The following NPSR1 variants were observed in gnomAD, a reference collection of about 807,000 sequenced individuals.
The protein encoded by NPSR1 is neuropeptide S receptor.
Under a neutral mutation model 46.9 loss-of-function variants are expected in NPSR1, and 48 were observed. That is an observed-to-expected ratio of 1.02 (90% CI 0.81 to 1.30). The LOEUF (loss-of-function observed/expected upper bound fraction) is 1.30. NPSR1 is among the 50% of genes most tolerant of loss of function. NPSR1 has a pLI of 0.00. For missense variants in NPSR1, 450 were observed against 449.5 expected, an observed-to-expected ratio of 1.00 and a Z score of -0.01; for synonymous variants, 176 against 168.1, an observed-to-expected ratio of 1.05 and a Z score of -0.36.
chr7:34,760,286 T>C (rs1583965422), intron 2 of NPSR1, among the ~76,000 whole-genome samples: 1 of 152,236 alleles, frequency 6.6e-6, no homozygotes, highest in Admixed American at 6.5e-5. Flanking sequence ...ATTGGCCCTA[T>C]TCATTGCATC....
At chr7:34,678,799 C>A in intron 1 of NPSR1, among the ~76,000 whole-genome samples, 1 of 147,078 alleles carries the variant, frequency 6.8e-6, no homozygotes, top group African/African-American at 2.6e-5. Flanking sequence ...GCACTCCAGC[C>A]TGGGTGACAG....
intron 5 of NPSR1, among the ~76,000 whole-genome samples, chr7:34,833,636 A>G (rs1461045892): frequency 2.0e-5 from 3 of 152,196 alleles, no homozygotes; most frequent in African/African-American, 4.8e-5. Flanking sequence ...ATCAAGATAC[A>G]TTTGTTATCT....
At chr7:34,681,572 A>T (rs1792636537) in intron 1 of NPSR1, among the ~76,000 whole-genome samples, 1 of 152,156 alleles carries the variant, frequency 6.6e-6, no homozygotes, top group Non-Finnish European at 1.5e-5. Flanking sequence ...GTGCTGAAAC[A>T]CTTCCTCAGC....
intron 1 of NPSR1, 101 bp downstream of exon 1, chr7:34,658,660 G>A (rs1791304793): frequency 8.5e-7 from 1 of 1,183,172 alleles, no homozygotes; most frequent in African/African-American, 1.5e-5. Context: ...TTGTGAATGA[G>A]TGTTATTTTC....
In NPSR1 at chr7:34,848,614, A is replaced by G; in HGVS notation, c.976A>G (p.Asn326Asp). The change falls in exon 8 of 9, where the codon AAC (asparagine) becomes GAC (aspartate). Residue 326 changes from asparagine to aspartate, a missense_variant. Asn to Asp is a conservative substitution (Grantham distance 23, BLOSUM62 1). Transcript: ENST00000360581. ...CCTGCCAGCATTGAATAGTGCCATCAACCCCCTCATCTACTGTGTCTTCAG... is the reference window on the plus strand; with the variant it reads ...CCTGCCAGCATTGAATAGTGCCATCGACCCCCTCATCTACTGTGTCTTCAG... ...QNLPALNSAI[N>D]PLIYCVFSSS... The G allele has an allele frequency of 1.2e-6, 2 of 1,614,136 alleles. No individual in the cohort carries two copies. Among genetic ancestry groups the G allele is most frequent in the Non-Finnish European group, 1.7e-6 (2 of 1,180,030 alleles).
chr7:34,671,782 G>C (rs1011528844), intron 1 of NPSR1, among the ~76,000 whole-genome samples: 2 of 152,066 alleles, frequency 1.3e-5, no homozygotes, highest in African/African-American at 4.8e-5. Context: ...TCCATTCCCT[G>C]GTCCTTACAT....
chr7:34,751,148 G>A (rs924123821), intron 2 of NPSR1: 2 of 918,052 alleles, frequency 2.2e-6, no homozygotes, highest in Non-Finnish European at 3.7e-6. Context: ...GGCTGAGCAG[G>A]GTCCTGAAGG....
intron 2 of NPSR1, among the ~76,000 whole-genome samples, chr7:34,771,114 G>A (rs1337525030): frequency 1.3e-5 from 2 of 152,096 alleles, no homozygotes; most frequent in Non-Finnish European, 2.9e-5. Context: ...TAAGCTGTGG[G>A]ACTCAGCTTT....
At chr7:34,728,518 T>G (rs1237707330) in intron 2 of NPSR1, among the ~76,000 whole-genome samples, 1 of 152,176 alleles carries the variant, frequency 6.6e-6, no homozygotes, top group Non-Finnish European at 1.5e-5. Flanking sequence ...GCCTTAATCT[T>G]TAAAAATAAC....
chr7:34,827,932 A>G (rs1789939332), intron 5 of NPSR1, among the ~76,000 whole-genome samples: 2 of 152,232 alleles, frequency 1.3e-5, no homozygotes, highest in Non-Finnish European at 2.9e-5. Flanking sequence ...GCTCAGAGTG[A>G]TTAAGTAACT....
At chr7:34,663,602 C>A (rs1216677152) in intron 1 of NPSR1, among the ~76,000 whole-genome samples, 3 of 152,158 alleles carry the variant, frequency 2.0e-5, no homozygotes, top group Non-Finnish European at 4.4e-5. Context: ...CCTGCTAACC[C>A]TTGGAGGGGG....
intron 2 of NPSR1, among the ~76,000 whole-genome samples, chr7:34,754,229 T>G: frequency 6.6e-6 from 1 of 152,054 alleles, no homozygotes; most frequent in Non-Finnish European, 1.5e-5. Flanking sequence ...GAAATAAAAA[T>G]AAGACAAGAA....
intron 2 of NPSR1, among the ~76,000 whole-genome samples, chr7:34,775,961 TTTC>T (rs1190408779): frequency 1.3e-5 from 2 of 152,112 alleles, no homozygotes; most frequent in East Asian, 3.8e-4. Context: ...ACTTTTAAAT[TTTC>T]TTCTTAATTT....
intron 6 of NPSR1, among the ~76,000 whole-genome samples, chr7:34,841,383 A>C (rs1321754828): frequency 6.6e-6 from 1 of 152,200 alleles, no homozygotes; most frequent in Non-Finnish European, 1.5e-5. Context: ...TTGGAGACTA[A>C]ATTTTCAGCA....
intron 8 of NPSR1, among the ~76,000 whole-genome samples, chr7:34,876,852 T>C (rs1194137824): frequency 6.6e-6 from 1 of 152,196 alleles, no homozygotes; most frequent in East Asian, 1.9e-4. Context: ...AGAAATGCTC[T>C]GACAGCAGAA....
chr7:34,660,337 T>G (rs1791394107), intron 1 of NPSR1, among the ~76,000 whole-genome samples: 1 of 152,230 alleles, frequency 6.6e-6, no homozygotes, highest in Non-Finnish European at 1.5e-5. Flanking sequence ...TGATTACTGG[T>G]GGTATTTGTG....
In NPSR1 at chr7:34,686,940, G is replaced by A. The variant is rs529925846; in HGVS notation, c.280+2256G>A. 2.6e-4 allele frequency among the ~76,000 whole-genome samples: 33 copies of A among 129,304 alleles called. No homozygotes were observed. In the East Asian group the frequency reaches 5.6e-3, roughly 22 times the overall value. The allele number at this position is 129,304 out of a possible 152,430, so 84.8% of individuals were successfully genotyped here. A position where few individuals can be genotyped will look rare whatever the true frequency, so the allele number is the denominator to read the frequency against. ...CATGCCACTGCACTCCAGCCTGGGCGACAGAGTGAGACTCCGTCTCAAAAA... is the reference window on the plus strand; with the variant it reads ...CATGCCACTGCACTCCAGCCTGGGCAACAGAGTGAGACTCCGTCTCAAAAA... On this transcript the variant is annotated intron_variant, in intron 2 of 8. Transcript: ENST00000360581.
chr7:34,740,572 C>T (rs1411635921), intron 2 of NPSR1, among the ~76,000 whole-genome samples: 1 of 152,222 alleles, frequency 6.6e-6, no homozygotes, highest in Non-Finnish European at 1.5e-5. Context: ...GCCCACAGGG[C>T]TTTCCTGCTG....
chr7:34,832,014 G>A (rs182063639), intron 5 of NPSR1, among the ~76,000 whole-genome samples: 159 of 152,278 alleles, frequency 1.0e-3, no homozygotes, highest in African/African-American at 3.7e-3. Context: ...GGGTAAAAGC[G>A]CCCCAGGGAC....
Sources: allele counts gnomAD v4.1 joint callset (sites outside exome capture counted in the v4.1 genomes callset), GRCh38; gene constraint gnomAD v4.1.1; transcripts MANE v1.5; gene names NCBI Gene and HGNC (gene_info 2026-07-23, HGNC 2026-07-21).